The following NLGN1 variants were observed in gnomAD, a reference collection of about 807,000 sequenced individuals.
NLGN1 encodes the protein neuroligin 1, also known as neuroligin-1.
A neutral mutation model predicts 65.5 loss-of-function variants in NLGN1; 12 were observed. That is an observed-to-expected ratio of 0.18 (90% confidence interval 0.12 to 0.30). NLGN1 has a LOEUF of 0.30. Ranked by LOEUF, NLGN1 falls within the 10% of genes least tolerant of loss-of-function variation. NLGN1 has a pLI of 1.00. For missense variants in NLGN1, 750 were observed against 1,007.1 expected (o/e 0.74, Z 3.46); for synonymous variants, 350 against 359.5 (o/e 0.97, Z 0.30).
At chr3:173,950,101 ATTGT>A (rs1747918463) in intron 4 of NLGN1, among the ~76,000 whole-genome samples, 1 of 152,162 alleles carries the variant, frequency 6.6e-6, no homozygotes, top group Non-Finnish European at 1.5e-5. Context: ...TGGTAAAATT[ATTGT>A]TTTTCTTTAT....
At chr3:173,703,292 A>C (rs539176118) in intron 3 of NLGN1, among the ~76,000 whole-genome samples, 8 of 152,296 alleles carry the variant, frequency 5.3e-5, no homozygotes, top group Non-Finnish European at 1.0e-4. Context: ...CAGTTTAATA[A>C]AGAAATTCTA....
chr3:174,290,696 AT>A (rs58944939), downstream of NLGN1, among the ~76,000 whole-genome samples: 4,128 of 151,172 alleles, frequency 0.027, 189 homozygotes, highest in African/African-American at 0.095. Flanking sequence ...TGGATAGAAA[AT>A]TCCTGTAGTT....
At chr3:173,749,012 G>A (rs1234983706) in intron 3 of NLGN1, among the ~76,000 whole-genome samples, 2 of 152,028 alleles carry the variant, frequency 1.3e-5, no homozygotes, top group African/African-American at 2.4e-5. Context: ...AGGAAAAAAA[G>A]CAGATCTGTT....
chr3:173,780,924 G>C (rs1026672298), intron 3 of NLGN1, among the ~76,000 whole-genome samples: 7 of 151,918 alleles, frequency 4.6e-5, no homozygotes, highest in African/African-American at 1.7e-4. Context: ...GGCGGATCAC[G>C]AGGTCAGGAG....
chr3:173,747,556 A>G lies in NLGN1; in HGVS notation c.494-60124A>G, dbSNP rs915985862. ...AAGCAAAAGTCCTGTTCGAATCTCA[A>G]GGGTATATTTTTTCTTCGCAATCTT... On this transcript the variant is annotated intron_variant, in intron 3 of 6. Coordinates refer to ENST00000457714, the Ensembl canonical transcript of NLGN1. Among the ~76,000 whole-genome samples the G allele has an allele frequency of 1.3e-5, 2 of 150,228 alleles. 1 individual carries two copies.
At chr3:174,126,483 C>T (rs1228744107) in intron 4 of NLGN1, among the ~76,000 whole-genome samples, 2 of 152,086 alleles carry the variant, frequency 1.3e-5, no homozygotes, top group South Asian at 2.1e-4. Flanking sequence ...TTCCTTCCAA[C>T]CAAGTGCACT....
chr3:174,218,939 C>T (rs1304459441), intron 4 of NLGN1, among the ~76,000 whole-genome samples: 1 of 151,986 alleles, frequency 6.6e-6, no homozygotes. Flanking sequence ...GGATGATGCT[C>T]TAGTTCTGAC....
chr3:173,414,424 A>G (rs1338966751), intron 1 of NLGN1, among the ~76,000 whole-genome samples: 1 of 152,176 alleles, frequency 6.6e-6, no homozygotes, highest in Non-Finnish European at 1.5e-5. Context: ...TAGGAAACCA[A>G]TGGACTTAAG....
chr3:173,978,859 T>A (rs937556209), intron 4 of NLGN1, among the ~76,000 whole-genome samples: 5 of 131,662 alleles, frequency 3.8e-5, no homozygotes, highest in East Asian at 4.4e-4. Context: ...AAAAAAAAAA[T>A]TAGCCACTTG....
intron 2 of NLGN1, among the ~76,000 whole-genome samples, chr3:173,489,366 A>G (rs1728718879): frequency 6.6e-6 from 1 of 152,024 alleles, no homozygotes; most frequent in East Asian, 1.9e-4. Context: ...TAGTTTGCTG[A>G]GAATGATGGT....
At chr3:173,446,225 C>A (rs1720269144) in intron 2 of NLGN1, among the ~76,000 whole-genome samples, 1 of 48,346 alleles carries the variant, frequency 2.1e-5, no homozygotes, top group Admixed American at 2.8e-4. Flanking sequence ...CTACCCCCAC[C>A]CCACAACAGT....
intron 4 of NLGN1, among the ~76,000 whole-genome samples, chr3:174,033,552 C>G (rs980806962): frequency 2.0e-5 from 3 of 151,832 alleles, no homozygotes; most frequent in Non-Finnish European, 4.4e-5. Context: ...GTTCGTTGCT[C>G]TAATGGAAAA....
chr3:173,819,219 T>C (rs1368650942), intron 4 of NLGN1, among the ~76,000 whole-genome samples: 1 of 152,168 alleles, frequency 6.6e-6, no homozygotes, highest in Non-Finnish European at 1.5e-5. Context: ...TACTACCTAC[T>C]CACCTTGGGT....
At chr3:174,151,434 A>G (rs1724329127) in intron 4 of NLGN1, among the ~76,000 whole-genome samples, 1 of 152,138 alleles carries the variant, frequency 6.6e-6, no homozygotes, top group South Asian at 2.1e-4. Context: ...GATTATGTGC[A>G]TGATGTTTAA....
At chr3:173,842,631 A>G (rs1725001993) in intron 4 of NLGN1, among the ~76,000 whole-genome samples, 2 of 152,232 alleles carry the variant, frequency 1.3e-5, no homozygotes, top group Admixed American at 6.5e-5. Context: ...TAAAGCTCCA[A>G]AAATGATCTC....
At chr3:173,623,231 T>C (rs1754294101) in intron 3 of NLGN1, among the ~76,000 whole-genome samples, 1 of 152,068 alleles carries the variant, frequency 6.6e-6, no homozygotes, top group African/African-American at 2.4e-5. Flanking sequence ...AAGTCAACAA[T>C]ACTAGTTGGA....
Position 174,280,832 on chromosome 3 carries a change from G to C in NLGN1, c.2001G>C (p.Val667=). The C allele has an allele frequency of 6.2e-7, 1 of 1,613,352 alleles. No individual in the cohort carries two copies. The highest frequency in any genetic ancestry group is 8.5e-7 in the Non-Finnish European group (1 of 1,179,584). Reference sequence around the variant, plus strand: ...AACAACAACCAAGTCCATTTTCAGTGGATCAAAGGGACTACTCAACAGAGC... The same window carrying C: ...AACAACAACCAAGTCCATTTTCAGTCGATCAAAGGGACTACTCAACAGAGC... Residue 667 remains valine, a synonymous_variant, in exon 7 of 7, where the codon GTG becomes GTC. Transcript: ENST00000457714. This position sits in a 1 kb window ranked among gnomAD's most constrained non-coding sequence, Gnocchi z 4.9.
intron 4 of NLGN1, among the ~76,000 whole-genome samples, chr3:173,949,544 T>C (rs1277165432): frequency 6.6e-6 from 1 of 152,198 alleles, no homozygotes; most frequent in Non-Finnish European, 1.5e-5. Context: ...GATTGTGCTT[T>C]TGAGACCTTG....
intron 4 of NLGN1, among the ~76,000 whole-genome samples, chr3:173,843,358 T>C (rs1725155162): frequency 6.6e-6 from 1 of 152,274 alleles, no homozygotes; most frequent in Non-Finnish European, 1.5e-5. Context: ...TGGTTACTTA[T>C]GCAAATTTCT....
Sources: gnomAD v4.1 joint callset for allele counts (sites outside exome capture counted in the v4.1 genomes callset) on GRCh38, gnomAD v4.1.1 for gene constraint, Gnocchi (gnomAD v3.1) non-coding constraint, MANE v1.5 for transcripts, NCBI Gene and HGNC (gene_info 2026-07-23, HGNC 2026-07-21) for gene names.